Variants in PRDM15 observed in about 807,000 individuals in gnomAD.
PRDM15 encodes PR domain zinc finger protein 15.
In PRDM15, 64 loss-of-function variants were observed where a neutral mutation model predicts 128.6. The observed-to-expected ratio is 0.50, with a 90% CI of 0.41 to 0.61. The LOEUF (loss-of-function observed/expected upper bound fraction) is 0.61, where lower values mean the gene tolerates loss of function less well. Among genes scored for constraint, PRDM15 ranks in the 20% least tolerant of loss-of-function variants. The pLI is 0.00. For synonymous variants in PRDM15, 615 were observed against 621.8 expected, an observed-to-expected ratio of 0.99 and a Z score of 0.16; for missense variants, 1,242 against 1,569.1, an observed-to-expected ratio of 0.79 and a Z score of 3.52.
Position 41,821,827 on chromosome 21 carries a change from G to T in PRDM15, c.1896+76C>A. The T allele has an allele frequency of 6.3e-7, 1 of 1,574,978 alleles. No homozygotes were observed. Among genetic ancestry groups the T allele is most frequent in the Non-Finnish European group, 8.7e-7 (1 of 1,152,902 alleles). On this transcript the variant is annotated intron_variant, in intron 15 of 23. Coordinates refer to ENST00000398548, the MANE Select transcript of PRDM15 (RefSeq NM_001040424.3). The surrounding 1 kb of genome is among the most constrained non-coding windows in gnomAD (Gnocchi z 5.4). ...TCCGAGATGCATGAAGGTGCCTGCT[G>T]TGTGGGGCCCACAGCCTTGAAACGA...
rs2061865949 is a variant in PRDM15 at position 41,811,649 on chromosome 21, A to G, written c.2393-813T>C. 1 of 150,398 alleles carries G rather than the reference A, an allele frequency of 6.6e-6. No individual in the cohort carries two copies. The highest frequency in any genetic ancestry group is 1.5e-5 in the Non-Finnish European group (1 of 68,242). The allele number at this position is 150,398 out of a possible 1,614,324, so 9.3% of individuals were successfully genotyped here. ...GAGCAACAGAGAGACCCCATCTCTA[A>G]CAACAGAAAGGTAAATTAGAGCTTA... On this transcript the variant is annotated intron_variant, in intron 19 of 23. Coordinates refer to ENST00000398548, the MANE Select transcript of PRDM15 (RefSeq NM_001040424.3). The surrounding 1 kb of genome is among the most constrained non-coding windows in gnomAD (Gnocchi z 4.1).
chr21:41,868,037 CAAAAA>C (rs35935542), intron 1 of PRDM15, among the ~76,000 whole-genome samples: 1 of 130,780 alleles, frequency 7.6e-6, no homozygotes, highest in Non-Finnish European at 1.7e-5. Flanking sequence ...AACATTGTCT[CAAAAA>C]AAAAAAAAAA....
intron 11 of PRDM15, among the ~76,000 whole-genome samples, chr21:41,831,735 C>A (rs1037175328): frequency 6.6e-6 from 1 of 152,158 alleles, no homozygotes; most frequent in African/African-American, 2.4e-5. Flanking sequence ...GGGGACAGTC[C>A]CCTCCCACAG....
chr21:41,848,427 A>G (rs2146726540), intron 5 of PRDM15, among the ~76,000 whole-genome samples: 1 of 152,350 alleles, frequency 6.6e-6, no homozygotes, highest in East Asian at 1.9e-4. Context: ...GCACCCTGCC[A>G]GCAGGGCATT....
chr21:41,868,325 T>C (rs993268387), intron 1 of PRDM15, among the ~76,000 whole-genome samples: 6 of 152,150 alleles, frequency 3.9e-5, no homozygotes, highest in Non-Finnish European at 8.8e-5. Flanking sequence ...GTACATACGT[T>C]TTCATTTCTC....
chr21:41,813,252 T>A (rs1450804051), intron 19 of PRDM15: 2 of 152,010 alleles, frequency 1.3e-5, no homozygotes, highest in African/African-American at 4.8e-5. Context: ...GCCCAGCGAG[T>A]TGGTGGGCGG....
Position 41,810,389 on chromosome 21 carries a change from G to A in PRDM15, c.2477-60C>T, listed in dbSNP as rs911616791. 8 of 1,544,910 alleles carry A rather than the reference G, an allele frequency of 5.2e-6. No individual in the cohort carries two copies. In the African/African-American group the frequency reaches 8.1e-5, roughly 16 times the overall value. On this transcript the variant is annotated intron_variant, in intron 20 of 23. Coordinates refer to ENST00000398548, the MANE Select transcript of PRDM15 (RefSeq NM_001040424.3). The surrounding 1 kb of genome is among the most constrained non-coding windows in gnomAD (Gnocchi z 6.4). ...AAAGGAAGAGACACGCAGGTCACTA[G>A]TGCAGCCATCCCAATGACCCTGGCC...
intron 19 of PRDM15, 149 bp downstream of exon 19, chr21:41,815,556 G>A (rs1021308791): frequency 1.3e-4 from 137 of 1,050,206 alleles, no homozygotes; most frequent in Non-Finnish European, 1.7e-4. Flanking sequence ...TGCTCACCCC[G>A]GCCCCAGGAA....
At chr21:41,851,059 C>T (rs920506985) in intron 5 of PRDM15, among the ~76,000 whole-genome samples, 1 of 152,160 alleles carries the variant, frequency 6.6e-6, no homozygotes, top group Non-Finnish European at 1.5e-5. Flanking sequence ...GTTCTAGGAG[C>T]ACACCAATGG....
At chr21:41,833,404 C>T (rs1568947289) in intron 11 of PRDM15, among the ~76,000 whole-genome samples, 1 of 152,188 alleles carries the variant, frequency 6.6e-6, no homozygotes, top group African/African-American at 2.4e-5. Context: ...CTCTGTGCCC[C>T]GCTGGGGACC....
chr21:41,819,849 A>G (rs2062189090), intron 17 of PRDM15, 148 bp from the exon 18 acceptor site: 2 of 1,035,710 alleles, frequency 1.9e-6, no homozygotes, highest in South Asian at 3.1e-5. Flanking sequence ...CGGCCTCCAC[A>G]GAGCCCTCCC....
Position 41,820,077 on chromosome 21 carries a change from A to G in PRDM15, c.2140+18T>C, listed in dbSNP as rs377689481. On this transcript the variant is annotated intron_variant, in intron 17 of 23. Transcript: ENST00000398548. The stretch of plus-strand genomic sequence containing the variant: ...CCTCCAGCGAGGGCCGGGACCCCAA[A>G]TGCTGACAGACACGCACCTGTGTGG... 1.9e-6 allele frequency: 3 copies of G among 1,611,362 alleles called. No homozygotes were observed. The highest frequency in any genetic ancestry group is 2.5e-6 in the Non-Finnish European group (3 of 1,177,906).
chr21:41,805,943 T>A (rs1334016556), intron 21 of PRDM15, among the ~76,000 whole-genome samples: 1 of 135,670 alleles, frequency 7.4e-6, no homozygotes, highest in Non-Finnish European at 1.6e-5. Flanking sequence ...TCAGTACCAC[T>A]ACCACCACGT....
At chr21:41,855,205 C>T (rs1019492208) in intron 4 of PRDM15, among the ~76,000 whole-genome samples, 4 of 152,138 alleles carry the variant, frequency 2.6e-5, no homozygotes, top group Non-Finnish European at 4.4e-5. Context: ...TCCCAGTCCA[C>T]GTGTCACGGG....
In PRDM15 at chr21:41,801,690, G is replaced by A; in HGVS notation, c.2976C>T (p.Thr992=). 1 of 1,613,916 alleles carries A rather than the reference G, an allele frequency of 6.2e-7. No individual in the cohort carries two copies. Among genetic ancestry groups the A allele is most frequent in the African/African-American group, 1.3e-5 (1 of 75,016 alleles). ...TTAAGCCGACTGAGCTCGATGGTGT[G>A]GTCACATTTGGGTCACCCAGGGTCA... The part of the protein sequence containing the change: ...VVVTLGDPNV[T]TPSSSVGLTN... Residue 992 remains threonine (T), a synonymous_variant, in exon 24 of 24, where the codon ACC becomes ACT. Coordinates refer to ENST00000398548, the MANE Select transcript of PRDM15 (RefSeq NM_001040424.3).
chr21:41,867,468 T>G, intron 1 of PRDM15: 1 of 1,018,100 alleles, frequency 9.8e-7, no homozygotes, highest in Non-Finnish European at 1.5e-6. Flanking sequence ...AGTCTCACTA[T>G]GTTGCCCAGG....
intron 13 of PRDM15, 47 bp from the exon 14 acceptor site, chr21:41,823,496 G>A (rs73357703): frequency 0.16 from 251,643 of 1,530,730 alleles, 22,308 homozygotes; most frequent in East Asian, 0.23. Context: ...GTCTCGTGAC[G>A]GGAAGGAGCC....
rs985320544 is a variant in PRDM15, at chr21:41,822,558, C to T, written c.1762-521G>A. Among the ~76,000 whole-genome samples, 10 of 152,370 alleles carry T rather than the reference C, an allele frequency of 6.6e-5. 1 individual carries two copies. The highest frequency in any genetic ancestry group is 2.0e-4 in the Admixed American group (3 of 15,304). On this transcript the variant is annotated intron_variant, in intron 14 of 23. Transcript: ENST00000398548. ...TGGGCCACAGGAGGTGAGGCCAATG[C>T]AGTCACAGAATTCATTTTGGAGAGA...
At chr21:41,860,764 C>T (rs1467972811) in intron 1 of PRDM15, among the ~76,000 whole-genome samples, 2 of 152,140 alleles carry the variant, frequency 1.3e-5, no homozygotes, top group Non-Finnish European at 2.9e-5. Context: ...CTAAAGGCCT[C>T]CTCCAGCCAG....
Sources: allele counts gnomAD v4.1 joint callset (sites outside exome capture counted in the v4.1 genomes callset), GRCh38; gene constraint gnomAD v4.1.1; non-coding constraint Gnocchi (gnomAD v3.1); transcripts MANE v1.5; gene names NCBI Gene and HGNC (gene_info 2026-07-23, HGNC 2026-07-21).